The following MYH13 variants were observed in gnomAD, a reference collection of about 807,000 sequenced individuals.
The protein encoded by MYH13 is myosin-13.
A neutral mutation model predicts 232.1 loss-of-function variants in MYH13; 177 were observed. The ratio of observed to expected loss-of-function variants is 0.76; its 90% CI spans 0.67 to 0.86. The LOEUF is 0.86. MYH13 is among the 40% of genes least tolerant of loss of function. The pLI is 0.00. For missense variants in MYH13, 2,246 were observed against 2,405.9 expected, an observed-to-expected ratio of 0.93 and a Z score of 1.39; for synonymous variants, 884 against 923.5, an observed-to-expected ratio of 0.96 and a Z score of 0.78.
At chr17:10,335,648 G>A (rs1398252736) in intron 18 of MYH13, among the ~76,000 whole-genome samples, 2 of 152,064 alleles carry the variant, frequency 1.3e-5, no homozygotes, top group Non-Finnish European at 2.9e-5. Flanking sequence ...CCAGTTACTC[G>A]GGAGGCTGAG....
chr17:10,301,093 C>T, intron 40 of MYH13, 128 bp from the exon 41 acceptor site: 2 of 859,604 alleles, frequency 2.3e-6, no homozygotes, highest in Non-Finnish European at 3.7e-6. Flanking sequence ...GCGTTGTTTC[C>T]CTTTGAACAT....
chr17:10,300,901 TC>T lies in MYH13; in HGVS notation c.*49del. The T allele has an allele frequency of 6.3e-7, 1 of 1,588,022 alleles. No individual in the cohort carries two copies. Among genetic ancestry groups the T allele is most frequent in the Non-Finnish European group, 8.6e-7 (1 of 1,161,992 alleles). On this transcript the variant is annotated 3_prime_UTR_variant, in exon 41 of 41. Transcript: ENST00000252172. Reference sequence around the variant, plus strand: ...AGGAGAATTTATTTCTCACACATTTTCCCTCCACTCTCTCGGAGGTGTCCCA... The same window carrying T: ...AGGAGAATTTATTTCTCACACATTTTCCTCCACTCTCTCGGAGGTGTCCCA...
chr17:10,357,305 T>C (rs1264748973), intron 8 of MYH13, among the ~76,000 whole-genome samples: 1 of 152,216 alleles, frequency 6.6e-6, no homozygotes. Context: ...AGGTTTTCCC[T>C]GCTCCCAGTC....
At position 10,362,472 on chromosome 17, in the gene MYH13, G is replaced by A. The variant is rs766050837; in HGVS notation, c.236C>T (p.Pro79Leu). 8 of 1,614,054 alleles carry A rather than the reference G, an allele frequency of 5.0e-6. No homozygotes were observed. The South Asian group carries it at 8.8e-5, about 18-fold the overall frequency. The change falls in exon 4 of 41, where the codon CCC (proline) becomes CTC (leucine). Residue 79 changes from proline (P) to leucine (L), a missense_variant. Coordinates refer to ENST00000252172, the MANE Select transcript of MYH13 (RefSeq NM_003802.3). ...CTTGTCAAATTTGGGAGGGTTCATG[G>A]GGAAGACCTGGTCATTGTTCAGAGT... ...MLTLNNDQVF[P>L]MNPPKFDKIE...
intron 11 of MYH13, among the ~76,000 whole-genome samples, chr17:10,351,252 C>G (rs1289937218): frequency 8.3e-6 from 1 of 119,960 alleles, no homozygotes; most frequent in Non-Finnish European, 1.9e-5. Flanking sequence ...TGATTATGAT[C>G]TTTTCTCACT....
At chr17:10,351,750 T>C (rs1392148564) in intron 11 of MYH13, among the ~76,000 whole-genome samples, 2 of 152,178 alleles carry the variant, frequency 1.3e-5, no homozygotes, top group Non-Finnish European at 2.9e-5. Flanking sequence ...ATGTTGCCTG[T>C]CTTCCACCAC....
rs1003111759 is a variant in MYH13 at position 10,300,956 on chromosome 17, C to A, written c.5812G>T (p.Glu1938Ter). The A allele has an allele frequency of 6.2e-7, 1 of 1,612,996 alleles. No individual in the cohort carries two copies. Among genetic ancestry groups the A allele is most frequent in the Non-Finnish European group, 8.5e-7 (1 of 1,179,236 alleles). The stretch of plus-strand genomic sequence containing the variant: ...CAACGAGCATCAGGTGAGCCTCATT[C>A]TTCCATCTTCTGTGGGAGAAAAAAA... ...SRDVGSQKME[E>*] The change falls in exon 41 of 41, where the codon GAA (glutamate) becomes TAA (stop). Residue 1938 changes from glutamate (E) to a stop codon, truncating the protein, a stop_gained. Coordinates refer to ENST00000252172, the MANE Select transcript of MYH13 (RefSeq NM_003802.3). LOFTEE classifies it high-confidence loss of function.
At chr17:10,327,319 A>T (rs532007337) in intron 22 of MYH13, among the ~76,000 whole-genome samples, 68 of 148,932 alleles carry the variant, frequency 4.6e-4, no homozygotes, top group African/African-American at 1.3e-3. Context: ...GTTTTTAAAA[A>T]TTTTTTTACA....
At position 10,348,528 on chromosome 17, in the gene MYH13, T is replaced by C. The variant is rs556535907; in HGVS notation, c.1145-1730A>G. Among the ~76,000 whole-genome samples the C allele has an allele frequency of 2.0e-5, 3 of 152,340 alleles. No homozygotes were observed. In the East Asian group the frequency reaches 5.8e-4, roughly 29 times the overall value. On this transcript the variant is annotated intron_variant, in intron 12 of 40. Coordinates refer to ENST00000252172, the MANE Select transcript of MYH13 (RefSeq NM_003802.3). ...ATATTAGCTTGGGTTGGTATCGTCA[T>C]TGATATCATTGGAGCACTGGCCTTG...
At chr17:10,347,178 T>C (rs1373803573) in intron 12 of MYH13, among the ~76,000 whole-genome samples, 2 of 152,184 alleles carry the variant, frequency 1.3e-5, no homozygotes, top group Admixed American at 1.3e-4. Context: ...GAGATCAGCC[T>C]GGCCAATATG....
rs1223869789 is a variant in MYH13, at chr17:10,300,919, G to C, written c.*32C>G. 6.2e-7 allele frequency: 1 copy of C among 1,609,778 alleles called. No homozygotes were observed. The highest frequency in any genetic ancestry group is 1.7e-5 in the Admixed American group (1 of 59,532). On this transcript the variant is annotated 3_prime_UTR_variant, in exon 41 of 41. Transcript: ENST00000252172. ...CACATTTTCCCTCCACTCTCTCGGA[G>C]GTGTCCCATGGCAACGAGCATCAGG...
chr17:10,372,332 C>T (rs2071883152), intron 1 of MYH13, among the ~76,000 whole-genome samples: 1 of 152,080 alleles, frequency 6.6e-6, no homozygotes, highest in South Asian at 2.1e-4. Context: ...TCCAAGATTC[C>T]TTTCAGCCCT....
chr17:10,335,257 T>C (rs978182091), intron 18 of MYH13, among the ~76,000 whole-genome samples: 1 of 152,212 alleles, frequency 6.6e-6, no homozygotes, highest in African/African-American at 2.4e-5. Context: ...CTTAGGGCTA[T>C]GTGTATAAGA....
intron 35 of MYH13, 148 bp downstream of exon 35, chr17:10,309,086 T>C: frequency 1.4e-6 from 1 of 708,604 alleles, no homozygotes; most frequent in Non-Finnish European, 2.2e-6. Context: ...AAAAGAAAAT[T>C]TGTCTTGACC....
At chr17:10,361,158 T>C (rs913207472) in intron 5 of MYH13, among the ~76,000 whole-genome samples, 1 of 152,208 alleles carries the variant, frequency 6.6e-6, no homozygotes, top group Non-Finnish European at 1.5e-5. Flanking sequence ...TAACATGAAC[T>C]AATTTCAAGA....
At chr17:10,332,939 T>C in intron 19 of MYH13, 135 bp downstream of exon 19, 1 of 747,742 alleles carries the variant, frequency 1.3e-6, no homozygotes, top group Non-Finnish European at 2.2e-6. Flanking sequence ...GATCAGTTCC[T>C]CTAGCAAGAG....
chr17:10,343,677 T>C, intron 16 of MYH13, 123 bp downstream of exon 16: 2 of 1,151,014 alleles, frequency 1.7e-6, no homozygotes. Context: ...AAAATGGAGC[T>C]GAAAGAGAAA....
chr17:10,314,782 A>G (rs776624114), intron 29 of MYH13, among the ~76,000 whole-genome samples: 1 of 152,208 alleles, frequency 6.6e-6, no homozygotes, highest in Non-Finnish European at 1.5e-5. Context: ...AGCACCAAGT[A>G]CCTACTGTGT....
intron 2 of MYH13, among the ~76,000 whole-genome samples, chr17:10,367,695 G>T (rs1470293682): frequency 6.6e-6 from 1 of 152,172 alleles, no homozygotes; most frequent in Non-Finnish European, 1.5e-5. Context: ...AAAACAAAAA[G>T]ACTAGTGAGA....
Sources: allele counts gnomAD v4.1 joint callset (sites outside exome capture counted in the v4.1 genomes callset), GRCh38; gene constraint gnomAD v4.1.1; transcripts MANE v1.5; gene names NCBI Gene and HGNC (gene_info 2026-07-23, HGNC 2026-07-21).